Variants in KIAA1217 observed in about 807,000 individuals in gnomAD.
The protein encoded by KIAA1217 is sickle tail protein homolog.
KIAA1217 carries 88 observed loss-of-function variants against 163.9 expected under a neutral mutation model. That is an observed-to-expected ratio of 0.54 (90% CI 0.45 to 0.64). The LOEUF (loss-of-function observed/expected upper bound fraction) is 0.64, where lower values mean the gene tolerates loss of function less well. Among genes scored for constraint, KIAA1217 ranks in the 30% least tolerant of loss-of-function variants. The probability of loss-of-function intolerance (pLI) is 0.00; values close to 1 mark genes in which losing one functional copy is unlikely to be tolerated. For missense variants in KIAA1217, 2,372 were observed against 2,475.0 expected (o/e 0.96, Z 0.88); for synonymous variants, 903 against 923.1 (o/e 0.98, Z 0.39).
At chr10:24,125,369 G>A (rs1245329818) in intron 2 of KIAA1217, among the ~76,000 whole-genome samples, 1 of 124,942 alleles carries the variant, frequency 8.0e-6, no homozygotes, top group Admixed American at 7.7e-5. Flanking sequence ...TGTGTGAATA[G>A]GCTTTAACTA....
At chr10:24,194,635 A>G (rs2066897800) in intron 2 of KIAA1217, among the ~76,000 whole-genome samples, 1 of 151,570 alleles carries the variant, frequency 6.6e-6, no homozygotes, top group Non-Finnish European at 1.5e-5. Flanking sequence ...GTGGAATGAC[A>G]TGATCACAGC....
intron 2 of KIAA1217, among the ~76,000 whole-genome samples, chr10:24,013,809 G>A (rs1847354542): frequency 6.6e-6 from 1 of 152,058 alleles, no homozygotes; most frequent in South Asian, 2.1e-4. Flanking sequence ...TGCGCTATGG[G>A]GAGTGCCGCC....
chr10:23,820,333 T>A (rs902732698), intron 1 of KIAA1217, among the ~76,000 whole-genome samples: 27 of 152,204 alleles, frequency 1.8e-4, no homozygotes, highest in Non-Finnish European at 3.2e-4. Context: ...CCAACAATTT[T>A]GTTTAATGCC....
chr10:24,183,306 C>T (rs2066268275), intron 2 of KIAA1217, among the ~76,000 whole-genome samples: 1 of 152,148 alleles, frequency 6.6e-6, no homozygotes, highest in South Asian at 2.1e-4. Context: ...TGGATGAAGA[C>T]ACATTTCATA....
At chr10:24,412,541 A>C (rs1028817420) in intron 3 of KIAA1217, among the ~76,000 whole-genome samples, 18 of 152,150 alleles carry the variant, frequency 1.2e-4, no homozygotes, top group African/African-American at 4.3e-4. Flanking sequence ...CTTGACTGCC[A>C]ACACATCACA....
At chr10:24,471,329 C>T (rs972138376) in intron 5 of KIAA1217, among the ~76,000 whole-genome samples, 52 of 152,116 alleles carry the variant, frequency 3.4e-4, no homozygotes, top group Non-Finnish European at 6.2e-4. Context: ...GGACTGTGGG[C>T]TCCTGTGACC....
intron 8 of KIAA1217, among the ~76,000 whole-genome samples, chr10:24,496,835 T>C (rs1249319361): frequency 3.9e-5 from 6 of 152,232 alleles, no homozygotes; most frequent in Admixed American, 6.5e-5. Flanking sequence ...CAATTTCTTT[T>C]CAAATGTGGG....
At chr10:23,913,904 G>T (rs1049516894) in intron 1 of KIAA1217, among the ~76,000 whole-genome samples, 3 of 152,066 alleles carry the variant, frequency 2.0e-5, no homozygotes, top group African/African-American at 7.2e-5. Flanking sequence ...GGCATGGCTG[G>T]CTGTTCTTAT....
At chr10:24,414,525 G>A (rs16924735) in intron 3 of KIAA1217, among the ~76,000 whole-genome samples, 8,132 of 152,274 alleles carry the variant, frequency 0.053, 196 homozygotes, top group Admixed American at 0.06. Flanking sequence ...CCAGTGCCTT[G>A]AGTTGGAAAG....
In KIAA1217 at chr10:23,964,148, C is replaced by T. The variant is rs186859824; in HGVS notation, c.-320-43077C>T. 1.9e-3 allele frequency among the ~76,000 whole-genome samples: 291 copies of T among 152,090 alleles called. 1 individual carries two copies. The highest frequency in any genetic ancestry group is 6.3e-3 in the African/African-American group (263 of 41,526). On this transcript the variant is annotated intron_variant, in intron 1 of 18. Transcript: ENST00000376462. The stretch of plus-strand genomic sequence containing the variant: ...CCATCTCTTGACTTCATGATCCACC[C>T]GCCTCAGCCTCCCAAAGTGCTAGGA...
At chr10:24,107,815 A>C (rs2062690173) in intron 2 of KIAA1217, among the ~76,000 whole-genome samples, 1 of 152,190 alleles carries the variant, frequency 6.6e-6, no homozygotes, top group African/African-American at 2.4e-5. Context: ...AAGGGATGAA[A>C]GTGTTGCTTA....
chr10:23,804,909 G>A (rs555926164), intron 1 of KIAA1217, among the ~76,000 whole-genome samples: 1 of 152,128 alleles, frequency 6.6e-6, no homozygotes, highest in South Asian at 2.1e-4. Context: ...TTTTTAGTTA[G>A]GATCTCTGAT....
chr10:24,545,719 G>C (rs2075669591), intron 20 of KIAA1217, 108 bp from the exon 21 acceptor site: 1 of 1,509,820 alleles, frequency 6.6e-7, no homozygotes, highest in Admixed American at 2.3e-5. Context: ...GTGTTTGGTT[G>C]GTTTTCTTTG....
chr10:24,498,332 A>G (rs1253396662), intron 8 of KIAA1217, among the ~76,000 whole-genome samples: 4 of 152,240 alleles, frequency 2.6e-5, no homozygotes, highest in African/African-American at 9.6e-5. Flanking sequence ...AGTGACTAAA[A>G]GGAAAAGAAG....
chr10:24,084,888 A>C (rs1262182538), intron 2 of KIAA1217, among the ~76,000 whole-genome samples: 2 of 151,948 alleles, frequency 1.3e-5, no homozygotes, highest in Non-Finnish European at 2.9e-5. Context: ...GTATATTGCA[A>C]AGCTATAAAT....
intron 3 of KIAA1217, among the ~76,000 whole-genome samples, chr10:24,409,577 A>G (rs1479586095): frequency 2.6e-5 from 4 of 152,158 alleles, no homozygotes; most frequent in African/African-American, 9.7e-5. Context: ...TGTACACTTT[A>G]GATGTGTGCA....
rs2054711110 is a variant in KIAA1217 at position 24,390,459 on chromosome 10, A to AGGAGTGAG, written c.553+9396_553+9397insTGAGGGAG. 5.3e-5 allele frequency among the ~76,000 whole-genome samples: 5 copies of AGGAGTGAG among 94,556 alleles called. No homozygotes were observed. In the South Asian group the frequency reaches 2.0e-3, roughly 39 times the overall value. 62.0% of individuals were successfully genotyped at this position (94,556 alleles called of 152,430 possible). A position where few individuals can be genotyped will look rare whatever the true frequency, so the allele number is the denominator to read the frequency against. Reference sequence around the variant, plus strand: ...ATAGGCCAGTAGTATGGGGGAAAAAAGGAGGGAGGGAGGGAGGGAAGGAAG... The same window carrying AGGAGTGAG: ...ATAGGCCAGTAGTATGGGGGAAAAAAGGAGTGAGGGAGGGAGGGAGGGAGGGAAGGAAG... On this transcript the variant is annotated intron_variant, in intron 3 of 20. Transcript: ENST00000376454.
intron 1 of KIAA1217, among the ~76,000 whole-genome samples, chr10:24,001,828 TAAAC>T (rs1846756320): frequency 6.6e-6 from 1 of 152,198 alleles, no homozygotes; most frequent in African/African-American, 2.4e-5. Flanking sequence ...ATGCCATACT[TAAAC>T]AAGGAGGAGT....
At chr10:24,131,988 A>G (rs1189986391) in intron 2 of KIAA1217, among the ~76,000 whole-genome samples, 1 of 152,222 alleles carries the variant, frequency 6.6e-6, no homozygotes, top group Non-Finnish European at 1.5e-5. Flanking sequence ...AGCATAGTTC[A>G]ATGATGGTCC....
Sources: allele counts gnomAD v4.1 joint callset (sites outside exome capture counted in the v4.1 genomes callset), GRCh38; gene constraint gnomAD v4.1.1; transcripts MANE v1.5; gene names NCBI Gene and HGNC (gene_info 2026-07-23, HGNC 2026-07-21).